SLC36A4: variants seen among roughly 807,000 people sequenced by gnomAD.
SLC36A4 encodes the protein neutral amino acid uniporter 4.
A neutral mutation model predicts 50.5 loss-of-function variants in SLC36A4; 49 were observed. The ratio of observed to expected loss-of-function variants is 0.97; its 90% CI spans 0.77 to 1.23. SLC36A4 has a LOEUF of 1.23. Among genes scored for constraint, SLC36A4 ranks in the 50% most tolerant of loss-of-function variants. SLC36A4 has a pLI of 0.00. For synonymous variants in SLC36A4, 207 were observed against 206.5 expected, an observed-to-expected ratio of 1.00 and a Z score of -0.02; for missense variants, 611 against 608.4, an observed-to-expected ratio of 1.00 and a Z score of -0.05.
At position 93,175,265 on chromosome 11, in the gene SLC36A4, T is replaced by C. The variant is rs796417889; in HGVS notation, c.540+5532A>G. 6.6e-5 allele frequency among the ~76,000 whole-genome samples: 10 copies of C among 152,088 alleles called. No individual in the cohort carries two copies. In the South Asian group the frequency reaches 2.1e-3, roughly 32 times the overall value. On this transcript the variant is annotated intron_variant, in intron 6 of 10. Transcript: ENST00000326402. ...TGTTTGTAGTATTCTCTGATGGTAG[T>C]TTGTATTTCTGTGGGATCGGTGATG...
At chr11:93,184,070 T>C (rs1861869448) in intron 3 of SLC36A4, among the ~76,000 whole-genome samples, 1 of 152,212 alleles carries the variant, frequency 6.6e-6, no homozygotes, top group South Asian at 2.1e-4. Context: ...AATGTCACGT[T>C]ACCAATAATC....
rs746302628 is a variant in SLC36A4 at position 93,197,775 on chromosome 11, G to C, written c.55+3C>G. On this transcript the variant is annotated splice_donor_region_variant and intron_variant, in intron 1 of 10. Transcript: ENST00000326402. Reference sequence around the variant, plus strand: ...CGGCTCCCTGCCCACGCACAACACCGACCTAGCTCCTCGCGCCTCGCCGCC... The same window carrying C: ...CGGCTCCCTGCCCACGCACAACACCCACCTAGCTCCTCGCGCCTCGCCGCC... The C allele has an allele frequency of 2.3e-4, 365 of 1,588,266 alleles. No homozygotes were observed. The highest frequency in any genetic ancestry group is 2.9e-4 in the Non-Finnish European group (342 of 1,174,098).
At position 93,158,584 on chromosome 11, in the gene SLC36A4, T is replaced by A. The variant is rs565333035; in HGVS notation, c.1037+4122A>T. 1.9e-3 allele frequency among the ~76,000 whole-genome samples: 293 copies of A among 152,202 alleles called. 2 individuals are homozygous for A. The highest frequency in any genetic ancestry group is 3.1e-3 in the Admixed American group (47 of 15,268). ...ATAGTTATATAGAAACAAGAGGGCATCTTTAAAAAGTGCCACAGTTTAATA... is the reference window on the plus strand; with the variant it reads ...ATAGTTATATAGAAACAAGAGGGCAACTTTAAAAAGTGCCACAGTTTAATA... On this transcript the variant is annotated intron_variant, in intron 9 of 10. Transcript: ENST00000326402.
At chr11:93,159,500 C>T (rs1203474157) in intron 9 of SLC36A4, among the ~76,000 whole-genome samples, 1 of 152,108 alleles carries the variant, frequency 6.6e-6, no homozygotes, top group Non-Finnish European at 1.5e-5. Context: ...CTCTTGGATC[C>T]TTCATGATGC....
In SLC36A4 at chr11:93,144,647, T is replaced by G. The variant is rs895002631; in HGVS notation, c.*3890A>C. On this transcript the variant is annotated 3_prime_UTR_variant, in exon 11 of 11. Transcript: ENST00000326402. ...GCCATTTCTTAGGCATGTTTCCTTA[T>G]CTCATAGGTCAAAACCAATCAGTTT... The G allele has an allele frequency of 6.6e-6, 1 of 152,094 alleles. No individual in the cohort carries two copies. The highest frequency in any genetic ancestry group is 2.4e-5 in the African/African-American group (1 of 41,458). 9.4% of individuals were successfully genotyped at this position (152,094 alleles called of 1,614,324 possible). A position where few individuals can be genotyped will look rare whatever the true frequency, so the allele number is the denominator to read the frequency against.
At chr11:93,197,322 T>C (rs1345829117) in intron 1 of SLC36A4, 1 of 165,264 alleles carries the variant, frequency 6.1e-6, no homozygotes, top group African/African-American at 2.4e-5. Context: ...CTGTTCATTC[T>C]GGTCAGCACG....
Position 93,181,680 on chromosome 11 carries a change from T to C in SLC36A4, c.455+11A>G. The C allele has an allele frequency of 6.7e-7, 1 of 1,503,068 alleles. No individual in the cohort carries two copies. The highest frequency in any genetic ancestry group is 1.3e-5 in the South Asian group (1 of 74,820). 93.1% of individuals were successfully genotyped at this position (1,503,068 alleles called of 1,614,324 possible). ...TAACAATCATATATTAATAACAGAG[T>C]AAGTACTTACCGCCCCCATGCTGCT... is the stretch of plus-strand genomic sequence containing the variant. On this transcript the variant is annotated intron_variant, in intron 5 of 10. Coordinates refer to ENST00000326402, the MANE Select transcript of SLC36A4 (RefSeq NM_152313.4).
At chr11:93,173,928 G>A (rs1175475558) in intron 6 of SLC36A4, among the ~76,000 whole-genome samples, 126 of 141,714 alleles carry the variant, frequency 8.9e-4, no homozygotes, top group African/African-American at 3.0e-3. Context: ...TTGGCGATGC[G>A]GGCTCTTTTT....
intron 9 of SLC36A4, among the ~76,000 whole-genome samples, chr11:93,159,472 C>G (rs1860520782): frequency 6.6e-6 from 1 of 152,132 alleles, no homozygotes; most frequent in Admixed American, 6.6e-5. Flanking sequence ...TTAGAAATAA[C>G]CTGGTAAGGC....
At chr11:93,171,545 A>G (rs906066857) in intron 6 of SLC36A4, 4 of 152,126 alleles carry the variant, frequency 2.6e-5, no homozygotes, top group African/African-American at 9.7e-5. Context: ...TTTACAGAGT[A>G]GTTATAAACA....
Position 93,144,515 on chromosome 11 carries a change from A to T in SLC36A4, c.*4022T>A, listed in dbSNP as rs1042695168. ...CTGATTTGTGTGTGTGTCTGCATAT[A>T]CTTGTGCACGCATGCATGTAGGAAC... On this transcript the variant is annotated 3_prime_UTR_variant, in exon 11 of 11. Transcript: ENST00000326402. The T allele has an allele frequency of 1.3e-5, 2 of 152,032 alleles. No individual in the cohort carries two copies. The highest frequency in any genetic ancestry group is 3.9e-4 in the East Asian group (2 of 5,172). The allele number at this position is 152,032 out of a possible 1,614,324, so 9.4% of individuals were successfully genotyped here.
At chr11:93,183,750 T>G (rs567986238) in intron 3 of SLC36A4, among the ~76,000 whole-genome samples, 4 of 151,846 alleles carry the variant, frequency 2.6e-5, no homozygotes, top group Non-Finnish European at 5.9e-5. Context: ...CAGGCTGGAG[T>G]GCAGTGGCGC....
intron 9 of SLC36A4, chr11:93,160,208 GA>G (rs774332016): frequency 2.0e-5 from 20 of 985,272 alleles, no homozygotes; most frequent in Non-Finnish European, 2.3e-5. Flanking sequence ...CACAACTGCA[GA>G]GTCCACACAG....
chr11:93,165,045 C>T (rs1039895839), intron 8 of SLC36A4, among the ~76,000 whole-genome samples: 3 of 152,090 alleles, frequency 2.0e-5, no homozygotes, highest in Admixed American at 6.6e-5. Context: ...GTTACGTTTA[C>T]AACAGCAATA....
At chr11:93,194,365 T>C (rs1862335744) in intron 1 of SLC36A4, among the ~76,000 whole-genome samples, 1 of 87,680 alleles carries the variant, frequency 1.1e-5, no homozygotes, top group East Asian at 5.8e-4. Flanking sequence ...CATAATATTG[T>C]CACCCGAATA....
rs1260529726 is a variant in SLC36A4, at chr11:93,144,856, T to A, written c.*3681A>T. On this transcript the variant is annotated 3_prime_UTR_variant, in exon 11 of 11. Transcript: ENST00000326402. ...AGCCAAAAAGATCAGACTCATTTTT[T>A]AAAAAGTCATTATTGTATATTATCG... 2 of 152,100 alleles carry A rather than the reference T, an allele frequency of 1.3e-5. No individual in the cohort carries two copies. Among genetic ancestry groups the A allele is most frequent in the Non-Finnish European group, 2.9e-5 (2 of 67,970 alleles). The allele number at this position is 152,100 out of a possible 1,614,324, so 9.4% of individuals were successfully genotyped here.
intron 6 of SLC36A4, among the ~76,000 whole-genome samples, chr11:93,173,013 A>T (rs1337700807): frequency 4.1e-5 from 6 of 146,812 alleles, no homozygotes; most frequent in Admixed American, 6.8e-5. Context: ...TCCCTGAGGA[A>T]TCGCCACACT....
chr11:93,178,779 C>A (rs907998341), intron 6 of SLC36A4, among the ~76,000 whole-genome samples: 1 of 152,168 alleles, frequency 6.6e-6, no homozygotes, highest in South Asian at 2.1e-4. Flanking sequence ...CCTCTGAGAA[C>A]TGGAGCAAGA....
intron 4 of SLC36A4, among the ~76,000 whole-genome samples, chr11:93,181,998 A>T (rs1345066096): frequency 6.6e-6 from 1 of 152,110 alleles, no homozygotes; most frequent in Non-Finnish European, 1.5e-5. Context: ...TTACCAGTAC[A>T]TTAATTTTAT....
Sources: allele counts gnomAD v4.1 joint callset (sites outside exome capture counted in the v4.1 genomes callset), GRCh38; gene constraint gnomAD v4.1.1; transcripts MANE v1.5; gene names NCBI Gene and HGNC (gene_info 2026-07-23, HGNC 2026-07-21).